The following RUNX2 variants were observed in gnomAD, a reference collection of about 807,000 sequenced individuals.
RUNX2 encodes runt-related transcription factor 2.
RUNX2 carries 10 observed loss-of-function variants against 51.7 expected under a neutral mutation model. That is an observed-to-expected ratio of 0.19 (90% CI 0.12 to 0.33). The LOEUF (loss-of-function observed/expected upper bound fraction) is 0.33, where lower values mean the gene tolerates loss of function less well. RUNX2 is among the 10% of genes least tolerant of loss of function. The pLI, the probability that RUNX2 is intolerant of heterozygous loss-of-function variation, is 1.00. For synonymous variants in RUNX2, 276 were observed against 273.6 expected, an observed-to-expected ratio of 1.01 and a Z score of -0.09; for missense variants, 562 against 691.3, an observed-to-expected ratio of 0.81 and a Z score of 2.10.
At chr6:45,421,152 T>C (rs1203886403) in intron 2 of RUNX2, 1 of 152,158 alleles carries the variant, frequency 6.6e-6, no homozygotes, top group African/African-American at 2.4e-5. Context: ...AACTTAGTCT[T>C]AGATGTAGAA....
At chr6:45,378,590 C>T (rs1394322389) in intron 2 of RUNX2, among the ~76,000 whole-genome samples, 1 of 152,094 alleles carries the variant, frequency 6.6e-6, no homozygotes, top group African/African-American at 2.4e-5. Flanking sequence ...TGTTTTTTCC[C>T]CAACTCATGT....
chr6:45,525,447 A>G (rs914265161), intron 7 of RUNX2, among the ~76,000 whole-genome samples: 1 of 152,224 alleles, frequency 6.6e-6, no homozygotes, highest in African/African-American at 2.4e-5. Flanking sequence ...CATTCATAGC[A>G]TCGTTGACAG....
At chr6:45,431,604 T>A (rs772149725) in intron 3 of RUNX2, among the ~76,000 whole-genome samples, 10 of 152,130 alleles carry the variant, frequency 6.6e-5, no homozygotes, top group Admixed American at 1.3e-4. Flanking sequence ...TTAATAAAAA[T>A]GTACATATTT....
At chr6:45,464,682 T>C (rs1799573223) in intron 5 of RUNX2, among the ~76,000 whole-genome samples, 3 of 152,242 alleles carry the variant, frequency 2.0e-5, no homozygotes, top group Admixed American at 1.3e-4. Flanking sequence ...TTTCAGAATC[T>C]GTATATGATT....
chr6:45,404,707 A>G (rs534103988), intron 2 of RUNX2, among the ~76,000 whole-genome samples: 8 of 152,238 alleles, frequency 5.3e-5, no homozygotes, highest in Non-Finnish European at 1.0e-4. Context: ...CAATTTACCA[A>G]AAAAGTATAT....
chr6:45,506,383 G>T (rs1198739065), intron 6 of RUNX2, among the ~76,000 whole-genome samples: 1 of 152,126 alleles, frequency 6.6e-6, no homozygotes, highest in Non-Finnish European at 1.5e-5. Context: ...TATTTTAGGT[G>T]GCAGGAGAGA....
intron 6 of RUNX2, among the ~76,000 whole-genome samples, chr6:45,500,004 C>T (rs962973438): frequency 3.9e-5 from 6 of 152,010 alleles, no homozygotes; most frequent in Non-Finnish European, 1.5e-5. Context: ...CTTTTTTGCC[C>T]TGTTTTACCT....
chr6:45,414,487 A>T (rs1173416466), intron 2 of RUNX2, among the ~76,000 whole-genome samples: 2 of 152,222 alleles, frequency 1.3e-5, no homozygotes, highest in Non-Finnish European at 2.9e-5. Flanking sequence ...TGTATTTACA[A>T]ACTTGTAAGT....
At chr6:45,495,442 C>T (rs1411917895) in intron 6 of RUNX2, among the ~76,000 whole-genome samples, 2 of 152,210 alleles carry the variant, frequency 1.3e-5, no homozygotes, top group Non-Finnish European at 2.9e-5. Flanking sequence ...CTTAGTTAAA[C>T]TGTTCGGTTT....
intron 2 of RUNX2, among the ~76,000 whole-genome samples, chr6:45,401,181 A>G (rs578150717): frequency 1.4e-4 from 21 of 152,302 alleles, no homozygotes; most frequent in Admixed American, 3.9e-4. Flanking sequence ...CCAGTGGGTA[A>G]ACCCTGCCAA....
rs951613199 is a variant in RUNX2, at chr6:45,450,272, G to A, written c.685+12221G>A. 3.3e-5 allele frequency among the ~76,000 whole-genome samples: 5 copies of A among 152,230 alleles called. No individual in the cohort carries two copies. The South Asian group carries it at 8.3e-4, about 25-fold the overall frequency. On this transcript the variant is annotated intron_variant, in intron 5 of 8. Transcript: ENST00000647337. The stretch of plus-strand genomic sequence containing the variant: ...GACTAGATGGATCTGAGAAAGATCC[G>A]TTCCTCCCCCAACCCTGTCCCACCA...
At chr6:45,536,091 A>G (rs1162522570) in intron 7 of RUNX2, among the ~76,000 whole-genome samples, 1 of 151,770 alleles carries the variant, frequency 6.6e-6, no homozygotes. Flanking sequence ...GTCAAACAAG[A>G]TAAAGATTGA....
intron 5 of RUNX2, among the ~76,000 whole-genome samples, chr6:45,489,656 G>A (rs1294860129): frequency 6.6e-6 from 1 of 152,106 alleles, no homozygotes; most frequent in Non-Finnish European, 1.5e-5. Flanking sequence ...TCTTGTTAAT[G>A]TTTACAGCTG....
chr6:45,357,431 A>C (rs931233787), intron 2 of RUNX2, among the ~76,000 whole-genome samples: 2 of 148,132 alleles, frequency 1.4e-5, no homozygotes, highest in African/African-American at 4.9e-5. Flanking sequence ...CCTAGGTGCA[A>C]GTGATCCTCC....
At chr6:45,464,583 C>T (rs978850440) in intron 5 of RUNX2, among the ~76,000 whole-genome samples, 6 of 152,160 alleles carry the variant, frequency 3.9e-5, no homozygotes, top group Admixed American at 3.3e-4. Context: ...TGTTGCTTTA[C>T]TCTCTACAGA....
chr6:45,395,243 C>G (rs1582066964), intron 2 of RUNX2, among the ~76,000 whole-genome samples: 1 of 152,298 alleles, frequency 6.6e-6, no homozygotes, highest in East Asian at 1.9e-4. Context: ...GAGAGTGGAA[C>G]TGACAACTTC....
chr6:45,410,612 T>C (rs1377639870), intron 2 of RUNX2, among the ~76,000 whole-genome samples: 3 of 152,122 alleles, frequency 2.0e-5, no homozygotes, highest in Non-Finnish European at 4.4e-5. Flanking sequence ...ACATGGAATA[T>C]GGTAGGGATG....
intron 2 of RUNX2, among the ~76,000 whole-genome samples, chr6:45,385,856 C>T (rs1797336640): frequency 6.6e-6 from 1 of 152,162 alleles, no homozygotes; most frequent in African/African-American, 2.4e-5. Context: ...GCGAAGATCG[C>T]ACCACTGCAC....
chr6:45,539,158 C>A (rs1026079275), intron 7 of RUNX2, among the ~76,000 whole-genome samples: 3 of 151,994 alleles, frequency 2.0e-5, no homozygotes, highest in Admixed American at 2.0e-4. Context: ...CCAACAATAT[C>A]CTCAAAATTT....
Sources: allele counts gnomAD v4.1 joint callset (sites outside exome capture counted in the v4.1 genomes callset), GRCh38; gene constraint gnomAD v4.1.1; transcripts MANE v1.5; gene names NCBI Gene and HGNC (gene_info 2026-07-23, HGNC 2026-07-21).